The following ADAM29 variants were observed in gnomAD, a reference collection of about 807,000 sequenced individuals.
The protein encoded by ADAM29 is ADAM metallopeptidase domain 29.
For synonymous variants in ADAM29, 367 were observed against 342.3 expected (o/e 1.07, Z -0.80); for missense variants, 969 against 1,001.8 (o/e 0.97, Z 0.44).
chr4:174,935,323 T>C (rs1744142947), intron 3 of ADAM29, among the ~76,000 whole-genome samples: 1 of 152,134 alleles, frequency 6.6e-6, no homozygotes, highest in Non-Finnish European at 1.5e-5. Context: ...TCAGAATTTA[T>C]TGTTAGATTA....
At chr4:174,974,839 G>T (rs1746665547) in intron 4 of ADAM29, among the ~76,000 whole-genome samples, 1 of 152,096 alleles carries the variant, frequency 6.6e-6, no homozygotes, top group Admixed American at 6.5e-5. Context: ...CCATAGAAAG[G>T]TATATGATAA....
At chr4:174,953,683 A>T (rs920720223) in intron 4 of ADAM29, among the ~76,000 whole-genome samples, 1 of 152,152 alleles carries the variant, frequency 6.6e-6, no homozygotes, top group Non-Finnish European at 1.5e-5. Flanking sequence ...TGCAGGAAAA[A>T]TTGGTACATT....
chr4:174,940,567 CT>C (rs143598499), intron 4 of ADAM29, among the ~76,000 whole-genome samples: 4,175 of 152,126 alleles, frequency 0.027, 186 homozygotes, highest in African/African-American at 0.093. Context: ...GCCTCTCTGA[CT>C]TTTTTTCATA....
At chr4:174,974,089 T>C (rs1340869250) in intron 4 of ADAM29, among the ~76,000 whole-genome samples, 1 of 152,194 alleles carries the variant, frequency 6.6e-6, no homozygotes, top group Non-Finnish European at 1.5e-5. Context: ...AGCCCACCAG[T>C]GCACTGAATG....
At chr4:174,928,569 T>TTAAAAAAAA (rs761103217) in intron 2 of ADAM29, among the ~76,000 whole-genome samples, 2 of 131,808 alleles carry the variant, frequency 1.5e-5, no homozygotes, top group African/African-American at 2.8e-5. Flanking sequence ...GTCATGTGCT[T>TTAAAAAAAA]AAAAAAAAAA....
chr4:174,960,393 C>G (rs1745741768), intron 4 of ADAM29, among the ~76,000 whole-genome samples: 1 of 151,966 alleles, frequency 6.6e-6, no homozygotes, highest in African/African-American at 2.4e-5. Flanking sequence ...TTACTTATGA[C>G]AAATTTAATT....
intron 4 of ADAM29, among the ~76,000 whole-genome samples, chr4:174,970,916 T>G (rs1746440458): frequency 6.6e-6 from 1 of 152,244 alleles, no homozygotes; most frequent in African/African-American, 2.4e-5. Flanking sequence ...TTTTAAAAAC[T>G]GCTTAATAGT....
intron 4 of ADAM29, among the ~76,000 whole-genome samples, chr4:174,951,481 C>G (rs1382603863): frequency 6.6e-6 from 1 of 152,046 alleles, no homozygotes. Flanking sequence ...TCTTAGGAAG[C>G]CTTTTGTATA....
At position 174,970,021 on chromosome 4, in the gene ADAM29, C is replaced by G. The variant is rs187678571; in HGVS notation, c.-180-5325C>G. 2.2e-4 allele frequency among the ~76,000 whole-genome samples: 34 copies of G among 152,042 alleles called. No individual in the cohort carries two copies. The East Asian group carries it at 6.0e-3, about 27-fold the overall frequency. On this transcript the variant is annotated intron_variant, in intron 4 of 4. Transcript: ENST00000359240. ...GCACCTGTCTCCACATCCTCACTGA[C>G]TGTTAAGTGACACCATGTTTATATT...
chr4:174,959,387 CT>C (rs956423997), intron 4 of ADAM29, among the ~76,000 whole-genome samples: 30 of 149,738 alleles, frequency 2.0e-4, no homozygotes, highest in East Asian at 3.9e-4. Flanking sequence ...CCTTCAAGAC[CT>C]TTTTTTTTGT....
chr4:174,932,909 T>C (rs1743981303), intron 3 of ADAM29, among the ~76,000 whole-genome samples: 1 of 152,144 alleles, frequency 6.6e-6, no homozygotes, highest in African/African-American at 2.4e-5. Flanking sequence ...TACCTGATCA[T>C]CTAGGAAACC....
At chr4:174,974,143 T>C (rs1746619869) in intron 4 of ADAM29, among the ~76,000 whole-genome samples, 1 of 152,214 alleles carries the variant, frequency 6.6e-6, no homozygotes, top group South Asian at 2.1e-4. Flanking sequence ...ATGGCCACTG[T>C]GGGTGAATCA....
intron 2 of ADAM29, among the ~76,000 whole-genome samples, chr4:174,923,527 A>G (rs13115683): frequency 0.027 from 279 of 10,354 alleles, 2 homozygotes; most frequent in East Asian, 0.16. Context: ...CATTATATGT[A>G]TATATATATA....
intron 4 of ADAM29, among the ~76,000 whole-genome samples, chr4:174,951,751 C>T (rs1745189814): frequency 6.6e-6 from 1 of 152,242 alleles, no homozygotes; most frequent in African/African-American, 2.4e-5. Context: ...GCGCTCTCAA[C>T]CATCAGCAGT....
intron 4 of ADAM29, among the ~76,000 whole-genome samples, chr4:174,951,611 A>G: frequency 6.6e-6 from 1 of 152,198 alleles, no homozygotes. Flanking sequence ...GTATGTGTTA[A>G]TGTCATTTAC....
At chr4:174,930,017 C>T (rs1743767058) in intron 2 of ADAM29, among the ~76,000 whole-genome samples, 1 of 152,172 alleles carries the variant, frequency 6.6e-6, no homozygotes, top group Non-Finnish European at 1.5e-5. Flanking sequence ...CAACCTCTGC[C>T]TCCCGGGTTC....
intron 4 of ADAM29, among the ~76,000 whole-genome samples, chr4:174,943,847 A>ATAAAACCT (rs1744689009): frequency 6.6e-6 from 1 of 151,794 alleles, no homozygotes; most frequent in Non-Finnish European, 1.5e-5. Context: ...TTCAGTGATT[A>ATAAAACCT]TAAAACCTAA....
At chr4:174,936,220 A>G (rs1191864547) in intron 3 of ADAM29, among the ~76,000 whole-genome samples, 3 of 152,076 alleles carry the variant, frequency 2.0e-5, no homozygotes, top group Non-Finnish European at 4.4e-5. Context: ...TCTCTATAAT[A>G]TCAATGTAAT....
In ADAM29 at chr4:174,965,867, C is replaced by A. The variant is rs377734614; in HGVS notation, c.-180-9479C>A. ...AATAACATTATGCTGAAGATTAGGGCTTCAACATGTGAATTAGTGGGTACA... is the reference window on the plus strand; with the variant it reads ...AATAACATTATGCTGAAGATTAGGGATTCAACATGTGAATTAGTGGGTACA... On this transcript the variant is annotated intron_variant, in intron 4 of 4. Coordinates refer to ENST00000359240, the MANE Select transcript of ADAM29 (RefSeq NM_014269.4). 2.6e-5 allele frequency among the ~76,000 whole-genome samples: 4 copies of A among 152,150 alleles called. No homozygotes were observed. In the East Asian group the frequency reaches 7.7e-4, roughly 29 times the overall value.
Sources: allele counts gnomAD v4.1 joint callset (sites outside exome capture counted in the v4.1 genomes callset), GRCh38; gene constraint gnomAD v4.1.1; transcripts MANE v1.5; gene names NCBI Gene and HGNC (gene_info 2026-07-23, HGNC 2026-07-21).